The following ACSS3 variants were observed in gnomAD, a reference collection of about 807,000 sequenced individuals.
The protein encoded by ACSS3 is acyl-CoA synthetase short-chain family member 3, mitochondrial.
In ACSS3, 64 loss-of-function variants were observed where a neutral mutation model predicts 84.2. That is an observed-to-expected ratio of 0.76 (90% CI 0.62 to 0.94). The LOEUF is 0.94. Among genes scored for constraint, ACSS3 ranks in the 40% least tolerant of loss-of-function variants. ACSS3 has a pLI of 0.00. For synonymous variants in ACSS3, 317 were observed against 310.1 expected (o/e 1.02, Z -0.23); for missense variants, 815 against 867.6 (o/e 0.94, Z 0.76).
chr12:81,246,751 C>T (rs190158464), intron 13 of ACSS3, among the ~76,000 whole-genome samples: 1 of 152,212 alleles, frequency 6.6e-6, no homozygotes, highest in African/African-American at 2.4e-5. Context: ...ATTAACAATT[C>T]ACTGTGATCA....
intron 2 of ACSS3, among the ~76,000 whole-genome samples, chr12:81,114,281 G>A (rs1435095601): frequency 6.6e-6 from 1 of 152,040 alleles, no homozygotes; most frequent in Non-Finnish European, 1.5e-5. Context: ...AACTATGGCA[G>A]TAGTTGTAAC....
chr12:81,147,941 A>G (rs775327277), intron 5 of ACSS3, among the ~76,000 whole-genome samples: 7 of 152,032 alleles, frequency 4.6e-5, no homozygotes, highest in Non-Finnish European at 1.0e-4. Flanking sequence ...GCATATAAAT[A>G]TGTACACATG....
intron 7 of ACSS3, among the ~76,000 whole-genome samples, chr12:81,159,472 C>T (rs890845518): frequency 6.6e-6 from 1 of 152,096 alleles, no homozygotes; most frequent in Non-Finnish European, 1.5e-5. Context: ...CCAGCTCAGT[C>T]AGTGCAGTAT....
At chr12:81,126,191 T>G (rs1885082311) in intron 2 of ACSS3, among the ~76,000 whole-genome samples, 1 of 152,246 alleles carries the variant, frequency 6.6e-6, no homozygotes, top group Non-Finnish European at 1.5e-5. Flanking sequence ...CTTCACTTTT[T>G]CAGCCAAATG....
At chr12:81,169,518 C>T (rs1317534831) in intron 7 of ACSS3, among the ~76,000 whole-genome samples, 6 of 152,096 alleles carry the variant, frequency 3.9e-5, no homozygotes, top group Non-Finnish European at 8.8e-5. Flanking sequence ...CATTGGAAAC[C>T]TCACCATCCC....
chr12:81,224,264 C>T (rs755575004), intron 11 of ACSS3, among the ~76,000 whole-genome samples: 12 of 151,880 alleles, frequency 7.9e-5, no homozygotes, highest in Non-Finnish European at 1.2e-4. Context: ...ATCCAATGCA[C>T]TTTTACATTC....
intron 2 of ACSS3, among the ~76,000 whole-genome samples, chr12:81,110,622 A>G (rs1402606663): frequency 6.6e-6 from 1 of 152,178 alleles, no homozygotes; most frequent in African/African-American, 2.4e-5. Context: ...GGATCAGATA[A>G]TATTTTGTTG....
chr12:81,132,464 C>T lies in ACSS3; in HGVS notation c.457-2352C>T, dbSNP rs552630384. On this transcript the variant is annotated intron_variant, in intron 2 of 15. Coordinates refer to ENST00000548058, the MANE Select transcript of ACSS3 (RefSeq NM_024560.4). Reference sequence around the variant, plus strand: ...ATGGTAGTTTGTATTTCTGTGGGATCGGTGGTGATATCCCCTTTATCATTT... The same window carrying T: ...ATGGTAGTTTGTATTTCTGTGGGATTGGTGGTGATATCCCCTTTATCATTT... Among the ~76,000 whole-genome samples, 8 of 152,124 alleles carry T rather than the reference C, an allele frequency of 5.3e-5. No homozygotes were observed. In the East Asian group the frequency reaches 5.8e-4, roughly 11 times the overall value.
chr12:81,241,738 C>A (rs2033810995), intron 13 of ACSS3, among the ~76,000 whole-genome samples: 1 of 151,642 alleles, frequency 6.6e-6, no homozygotes, highest in African/African-American at 2.4e-5. Flanking sequence ...GGATATTAGC[C>A]CTTTGTCAGA....
intron 9 of ACSS3, among the ~76,000 whole-genome samples, chr12:81,213,277 A>C (rs1249989119): frequency 6.6e-6 from 1 of 152,138 alleles, no homozygotes; most frequent in African/African-American, 2.4e-5. Flanking sequence ...TCAGAAGCCT[A>C]TTCTGCACGT....
chr12:81,247,661 C>G (rs1040870079), intron 13 of ACSS3, among the ~76,000 whole-genome samples: 7 of 151,990 alleles, frequency 4.6e-5, no homozygotes, highest in Non-Finnish European at 8.8e-5. Context: ...CAGTTTAAAT[C>G]AGATTTGTCT....
At chr12:81,158,959 C>T (rs963927765) in intron 7 of ACSS3, among the ~76,000 whole-genome samples, 2 of 152,168 alleles carry the variant, frequency 1.3e-5, no homozygotes, top group African/African-American at 4.8e-5. Flanking sequence ...CAATTCTCAG[C>T]TCCTTGCCTT....
chr12:81,132,826 T>C (rs1885589495), intron 2 of ACSS3, among the ~76,000 whole-genome samples: 1 of 152,164 alleles, frequency 6.6e-6, no homozygotes, highest in Admixed American at 6.5e-5. Flanking sequence ...GCTTTGGCTA[T>C]GACTAGCTAT....
Position 81,135,085 on chromosome 12 carries a change from T to G in ACSS3, c.645+81T>G, listed in dbSNP as rs1335207629. The G allele has an allele frequency of 5.0e-6, 6 of 1,206,684 alleles. No individual in the cohort carries two copies. The East Asian group carries it at 1.6e-4, about 33-fold the overall frequency. The allele number at this position is 1,206,684 out of a possible 1,614,324, so 74.7% of individuals were successfully genotyped here. On this transcript the variant is annotated intron_variant, in intron 3 of 15. Transcript: ENST00000548058. ...TATCTGTGGATGAATCATCTGAGAA[T>G]GCTCTATACTTGTTAGATCCTCCCT...
At chr12:81,157,734 G>T (rs967101934) in intron 7 of ACSS3, among the ~76,000 whole-genome samples, 8 of 152,098 alleles carry the variant, frequency 5.3e-5, no homozygotes, top group African/African-American at 1.7e-4. Flanking sequence ...TTGAACCCAG[G>T]AGGTGGAAGT....
chr12:81,139,290 C>T, intron 4 of ACSS3, 25 bp downstream of exon 4: 2 of 1,610,348 alleles, frequency 1.2e-6, no homozygotes, highest in South Asian at 1.1e-5. Context: ...GAATTTGGTT[C>T]TTGCTTATGG....
intron 8 of ACSS3, among the ~76,000 whole-genome samples, chr12:81,190,007 C>G (rs1429796928): frequency 6.6e-6 from 1 of 152,122 alleles, no homozygotes; most frequent in East Asian, 1.9e-4. Flanking sequence ...CTTCTTGATT[C>G]TATTCTGTTC....
intron 8 of ACSS3, among the ~76,000 whole-genome samples, chr12:81,181,747 C>CAAAAAAAAAAAAAAAA (rs59878486): frequency 7.9e-4 from 38 of 47,904 alleles, no homozygotes; most frequent in Non-Finnish European, 9.8e-4. Context: ...ATCAATTAAG[C>CAAAAAAAAAAAAAAAA]AAAAAAAAAA....
intron 2 of ACSS3, chr12:81,125,691 A>G (rs1885043020): frequency 1.3e-5 from 2 of 152,162 alleles, no homozygotes; most frequent in East Asian, 1.9e-4. Context: ...CCCAGTGGCA[A>G]CGCTGGCTAT....
Sources: allele counts gnomAD v4.1 joint callset (sites outside exome capture counted in the v4.1 genomes callset), GRCh38; gene constraint gnomAD v4.1.1; transcripts MANE v1.5; gene names NCBI Gene and HGNC (gene_info 2026-07-23, HGNC 2026-07-21).